FOXP1: variants seen among roughly 807,000 people sequenced by gnomAD.
The protein encoded by FOXP1 is forkhead box P1.
A neutral mutation model predicts 98.2 loss-of-function variants in FOXP1; 15 were observed. The ratio of observed to expected loss-of-function variants is 0.15; its 90% CI spans 0.10 to 0.24. The LOEUF is 0.24. FOXP1 is among the 10% of genes least tolerant of loss of function. The pLI is 1.00. For missense variants in FOXP1, 633 were observed against 848.5 expected (o/e 0.75, Z 3.15); for synonymous variants, 371 against 314.5 (o/e 1.18, Z -1.90).
chr3:71,297,553 A>G (rs2107541331), intron 5 of FOXP1, among the ~76,000 whole-genome samples: 1 of 150,044 alleles, frequency 6.7e-6, no homozygotes, highest in East Asian at 1.9e-4. Context: ...TTGGAGCTGT[A>G]TGGATAAGGC....
intron 6 of FOXP1, among the ~76,000 whole-genome samples, chr3:71,173,696 G>C (rs1011884671): frequency 6.6e-6 from 1 of 152,090 alleles, no homozygotes; most frequent in African/African-American, 2.4e-5. Context: ...TCTCCTGCAT[G>C]GCTGATAACA....
chr3:71,003,183 C>T (rs2042329173), intron 12 of FOXP1, among the ~76,000 whole-genome samples: 1 of 152,178 alleles, frequency 6.6e-6, no homozygotes. Flanking sequence ...GATAAAAGAT[C>T]CAAACGGACA....
Position 71,411,324 on chromosome 3 carries a change from TGTGTGTGA to T in FOXP1, c.-167-52088_-167-52081del, listed in dbSNP as rs1560446921. 5.5e-3 allele frequency among the ~76,000 whole-genome samples: 787 copies of T among 143,740 alleles called. 7 individuals are homozygous for T. The highest frequency in any genetic ancestry group is 0.021 in the African/African-American group (727 of 34,314). 94.3% of individuals were successfully genotyped at this position (143,740 alleles called of 152,430 possible). On this transcript the variant is annotated intron_variant, in intron 3 of 20. Coordinates refer to ENST00000649528, the MANE Select transcript of FOXP1 (RefSeq NM_001349338.3). Reference sequence around the variant, plus strand: ...GTGTGTGTGTGTGTGTGTGTATGTGTGTGTGTGAGTGACGGAGTCTTGCTCTGTCACCC... The same window carrying T: ...GTGTGTGTGTGTGTGTGTGTATGTGTGTGACGGAGTCTTGCTCTGTCACCC...
chr3:70,961,494 C>G (rs1448100578), intron 20 of FOXP1, among the ~76,000 whole-genome samples: 1 of 151,802 alleles, frequency 6.6e-6, no homozygotes, highest in Non-Finnish European at 1.5e-5. Context: ...GCCTCCCAAA[C>G]TGCTGGGATT....
At chr3:71,121,156 C>T (rs370722407) in intron 6 of FOXP1, among the ~76,000 whole-genome samples, 18 of 151,568 alleles carry the variant, frequency 1.2e-4, no homozygotes, top group African/African-American at 2.9e-4. Context: ...TGCCATCCTG[C>T]GCACCAACTA....
intron 6 of FOXP1, among the ~76,000 whole-genome samples, chr3:71,155,901 T>C (rs1230341883): frequency 1.3e-5 from 2 of 152,194 alleles, no homozygotes; most frequent in African/African-American, 4.8e-5. Context: ...CAGGTAAACA[T>C]GAAGCCAATG....
chr3:71,540,184 G>A (rs1298508240), intron 2 of FOXP1, among the ~76,000 whole-genome samples: 2 of 152,218 alleles, frequency 1.3e-5, no homozygotes, highest in East Asian at 1.9e-4. Context: ...CCTGCCAGGT[G>A]ACAAATCCCC....
At chr3:70,963,476 C>T (rs1431686936) in intron 20 of FOXP1, among the ~76,000 whole-genome samples, 1 of 152,192 alleles carries the variant, frequency 6.6e-6, no homozygotes, top group Non-Finnish European at 1.5e-5. Context: ...TTCACATACA[C>T]TCACCGTGTC....
chr3:70,971,041 T>TAGTA (rs1404028218), intron 18 of FOXP1: 2 of 505,864 alleles, frequency 4.0e-6, no homozygotes, highest in African/African-American at 3.9e-5. Flanking sequence ...CTGGCTTAGG[T>TAGTA]AGTAACAGGC....
chr3:71,367,181 A>C (rs983293167), intron 3 of FOXP1, among the ~76,000 whole-genome samples: 13 of 152,128 alleles, frequency 8.5e-5, no homozygotes, highest in African/African-American at 3.1e-4. Flanking sequence ...AGAAGGAGGG[A>C]GGAGACCTCT....
At chr3:71,492,227 G>A (rs961938852) in intron 3 of FOXP1, among the ~76,000 whole-genome samples, 17 of 152,194 alleles carry the variant, frequency 1.1e-4, no homozygotes, top group East Asian at 3.9e-4. Flanking sequence ...TGAGACGGGC[G>A]GATCACCTGA....
At chr3:71,226,067 A>G (rs1211211883) in intron 5 of FOXP1, among the ~76,000 whole-genome samples, 1 of 152,220 alleles carries the variant, frequency 6.6e-6, no homozygotes, top group Non-Finnish European at 1.5e-5. Flanking sequence ...AGGGGCAGAG[A>G]AAAAACTTCT....
chr3:70,971,889 G>C, intron 18 of FOXP1: 1 of 694,754 alleles, frequency 1.4e-6, no homozygotes, highest in Non-Finnish European at 2.1e-6. Flanking sequence ...ACACAATTTA[G>C]TTTCGTTGCA....
chr3:71,248,739 T>G (rs2067954034), intron 5 of FOXP1, among the ~76,000 whole-genome samples: 1 of 63,722 alleles, frequency 1.6e-5, no homozygotes, highest in Non-Finnish European at 3.2e-5. Flanking sequence ...AGACGTCATC[T>G]CAAAAAAAAA....
At chr3:71,510,141 A>G (rs2042099136) in intron 2 of FOXP1, among the ~76,000 whole-genome samples, 1 of 151,486 alleles carries the variant, frequency 6.6e-6, no homozygotes, top group Non-Finnish European at 1.5e-5. Context: ...AGATTGCGCC[A>G]TTGCACTCCA....
At chr3:71,027,968 C>A (rs541922631) in intron 11 of FOXP1, among the ~76,000 whole-genome samples, 7 of 152,114 alleles carry the variant, frequency 4.6e-5, no homozygotes, top group Non-Finnish European at 8.8e-5. Context: ...ACAGTGATAA[C>A]TGAACAGATG....
chr3:70,972,450 G>A, intron 18 of FOXP1, 105 bp downstream of exon 18: 1 of 1,514,526 alleles, frequency 6.6e-7, no homozygotes, highest in African/African-American at 1.4e-5. Flanking sequence ...GAGACAACGT[G>A]AAACCAGTTC....
chr3:71,239,840 C>T (rs910998829), intron 5 of FOXP1, among the ~76,000 whole-genome samples: 4 of 152,214 alleles, frequency 2.6e-5, no homozygotes, highest in East Asian at 1.9e-4. Context: ...CAAAGTTGGA[C>T]GAAATTCCAT....
chr3:71,287,100 T>C (rs2107467993), intron 5 of FOXP1, among the ~76,000 whole-genome samples: 1 of 152,280 alleles, frequency 6.6e-6, no homozygotes, highest in African/African-American at 2.4e-5. Context: ...CTTAAGATCG[T>C]TTAATGATAA....
Sources: allele counts gnomAD v4.1 joint callset (sites outside exome capture counted in the v4.1 genomes callset), GRCh38; gene constraint gnomAD v4.1.1; transcripts MANE v1.5; gene names NCBI Gene and HGNC (gene_info 2026-07-23, HGNC 2026-07-21).